CCDC137: variants seen among roughly 807,000 people sequenced by gnomAD.
The protein encoded by CCDC137 is coiled-coil domain-containing protein 137.
In CCDC137, 24 loss-of-function variants were observed where a neutral mutation model predicts 30.4. That is an observed-to-expected ratio of 0.79 (90% confidence interval 0.57 to 1.11). The LOEUF (loss-of-function observed/expected upper bound fraction) is 1.11. Among genes scored for constraint, CCDC137 ranks in the 50% least tolerant of loss-of-function variants. The pLI, the probability that CCDC137 is intolerant of heterozygous loss-of-function variation, is 0.00. For synonymous variants in CCDC137, 182 were observed against 155.7 expected, an observed-to-expected ratio of 1.17 and a Z score of -1.26; for missense variants, 417 against 380.4, an observed-to-expected ratio of 1.10 and a Z score of -0.80.
Position 81,673,845 on chromosome 17 carries a change from T to G in CCDC137, c.*1141T>G, listed in dbSNP as rs2036752573. 2 of 152,238 alleles carry G rather than the reference T, an allele frequency of 1.3e-5. No homozygotes were observed. Among genetic ancestry groups the G allele is most frequent in the African/African-American group, 2.4e-5 (1 of 41,456 alleles). The allele number at this position is 152,238 out of a possible 1,614,324, so 9.4% of individuals were successfully genotyped here. ...AAGTGACAGCCTTGTGTGTGATGTT[T>G]TCTGCCTTCCCCAAGTTTGCACTTT... On this transcript the variant is annotated 3_prime_UTR_variant, in exon 6 of 6. Transcript: ENST00000329214.
intron 3 of CCDC137, 102 bp downstream of exon 3, chr17:81,670,555 G>A: frequency 1.9e-6 from 2 of 1,027,588 alleles, no homozygotes; most frequent in South Asian, 3.1e-5. Flanking sequence ...CATAGCCATG[G>A]GGCAGCCTGG....
rs552243530 is a variant in CCDC137, at chr17:81,672,150, G to A, written c.655G>A (p.Asp219Asn). The A allele has an allele frequency of 6.2e-7, 1 of 1,614,004 alleles. No individual in the cohort carries two copies. The highest frequency in any genetic ancestry group is 8.5e-7 in the Non-Finnish European group (1 of 1,179,944). The change falls in exon 5 of 6, where the codon GAC becomes AAC. Residue 219 changes from aspartate to asparagine, a missense_variant. By Grantham distance (23) the Asp-to-Asn change is conservative. Transcript: ENST00000329214. ...CAGGCCCCAGAGGAGCGTAAGCAAG[G>A]ACCAGGTAAGTGGGGCACGGGGACA... ...TARPQRSVSKDQPGRRSQMLR... is the reference protein window; with the variant it reads ...TARPQRSVSKNQPGRRSQMLR...
In CCDC137 at chr17:81,672,997, G is replaced by C. The variant is rs2036740395; in HGVS notation, c.*293G>C. ...CCCAGGTGGACCTTAGGAAGGGCTG[G>C]ATCCCTGTCCCTGAACACCAAATAC... is the stretch of plus-strand genomic sequence containing the variant. On this transcript the variant is annotated 3_prime_UTR_variant, in exon 6 of 6. Transcript: ENST00000329214. The C allele has an allele frequency of 4.2e-6, 2 of 473,820 alleles. No individual in the cohort carries two copies. The highest frequency in any genetic ancestry group is 2.7e-5 in the South Asian group (1 of 37,558). The allele number at this position is 473,820 out of a possible 1,614,324, so 29.4% of individuals were successfully genotyped here.
At chr17:81,669,850 C>T (rs749178863) in intron 2 of CCDC137, among the ~76,000 whole-genome samples, 2 of 150,340 alleles carry the variant, frequency 1.3e-5, no homozygotes, top group African/African-American at 4.9e-5. Flanking sequence ...CATGAGCCAC[C>T]GCGCCCGGCA....
chr17:81,670,419 AAGG>A lies in CCDC137; in HGVS notation c.466_468del (p.Glu156del), dbSNP rs1347233412. On this transcript the variant is annotated inframe_deletion, in exon 3 of 6. Transcript: ENST00000329214. ...GCAGCCAGAGGTGCAGGCAGCTCCC[AAGG>A]AGAAGTCTGAGCAGAAAAAAGCAAA... 7 of 1,613,772 alleles carry A rather than the reference AAGG, an allele frequency of 4.3e-6. No homozygotes were observed. Among genetic ancestry groups the A allele is most frequent in the Non-Finnish European group, 4.2e-6 (5 of 1,180,010 alleles).
chr17:81,670,093 G>C (rs2036699404), intron 2 of CCDC137, 132 bp from the exon 3 acceptor site: 1 of 685,732 alleles, frequency 1.5e-6, no homozygotes. Flanking sequence ...ATCCTCTTCA[G>C]CTGCTGTCGT....
intron 2 of CCDC137, among the ~76,000 whole-genome samples, chr17:81,668,172 G>A (rs550122206): frequency 3.7e-4 from 57 of 152,210 alleles, no homozygotes; most frequent in African/African-American, 1.3e-3. Context: ...AGCAGGGCAC[G>A]GCCAATTCAT....
At chr17:81,667,362 C>T (rs1275184967) in intron 1 of CCDC137, among the ~76,000 whole-genome samples, 1 of 150,766 alleles carries the variant, frequency 6.6e-6, no homozygotes, top group Non-Finnish European at 1.5e-5. Context: ...ACTCTGTCGC[C>T]CAGGCTGGAG....
intron 1 of CCDC137, chr17:81,667,122 C>T (rs1410477590): frequency 9.1e-6 from 4 of 439,766 alleles, no homozygotes; most frequent in Non-Finnish European, 1.5e-5. Flanking sequence ...GTCCCAGTGT[C>T]CCGTCTTTGT....
chr17:81,673,656 TC>T lies in CCDC137; in HGVS notation c.*954del, dbSNP rs1193964139. The stretch of plus-strand genomic sequence containing the variant: ...GAGAAGCTTAAACCCAAGTCACACA[TC>T]CAGCAATGGAGTCCGACAGCCCAGC... On this transcript the variant is annotated 3_prime_UTR_variant, in exon 6 of 6. Transcript: ENST00000329214. The T allele has an allele frequency of 6.6e-6, 1 of 152,176 alleles. No individual in the cohort carries two copies. Among genetic ancestry groups the T allele is most frequent in the African/African-American group, 2.4e-5 (1 of 41,390 alleles). The allele number at this position is 152,176 out of a possible 1,614,324, so 9.4% of individuals were successfully genotyped here. A position where few individuals can be genotyped will look rare whatever the true frequency, so the allele number is the denominator to read the frequency against.
rs2036722163 is a variant in CCDC137 at position 81,671,799 on chromosome 17, G to C, written c.553G>C (p.Asp185His). The change falls in exon 4 of 6, where the codon GAC becomes CAC. Residue 185 changes from aspartate to histidine, a missense_variant. Coordinates refer to ENST00000329214, the MANE Select transcript of CCDC137 (RefSeq NM_199287.3). ...ACGGAAAAAGGAGGAAAAGGCGGCAGACAGGCTGGAGCAGGAGTTGCTCCG... is the reference window on the plus strand; with the variant it reads ...ACGGAAAAAGGAGGAAAAGGCGGCACACAGGCTGGAGCAGGAGTTGCTCCG... ...VRRKKEEKAA[D>H]RLEQELLRDT... The C allele has an allele frequency of 6.2e-7, 1 of 1,613,388 alleles. No homozygotes were observed. The highest frequency in any genetic ancestry group is 1.7e-5 in the Admixed American group (1 of 59,862).
At chr17:81,667,704 C>T in intron 1 of CCDC137, 25 bp from the exon 2 acceptor site, 1 of 1,612,750 alleles carries the variant, frequency 6.2e-7, no homozygotes, top group South Asian at 1.1e-5. Flanking sequence ...TGGGACGGGT[C>T]TCACCCCCGT....
Position 81,673,746 on chromosome 17 carries a change from C to T in CCDC137, c.*1042C>T, listed in dbSNP as rs1237501560. On this transcript the variant is annotated 3_prime_UTR_variant, in exon 6 of 6. Coordinates refer to ENST00000329214, the MANE Select transcript of CCDC137 (RefSeq NM_199287.3). Reference sequence around the variant, plus strand: ...ACACCGTGTGGAAAGTGAGGAGCACCTCTGCCTGGCCGCCACCCCGTCTGG... The same window carrying T: ...ACACCGTGTGGAAAGTGAGGAGCACTTCTGCCTGGCCGCCACCCCGTCTGG... 2 of 152,352 alleles carry T rather than the reference C, an allele frequency of 1.3e-5. No homozygotes were observed. Among genetic ancestry groups the T allele is most frequent in the African/African-American group, 4.8e-5 (2 of 41,464 alleles). 9.4% of individuals were successfully genotyped at this position (152,352 alleles called of 1,614,324 possible).
intron 3 of CCDC137, 193 bp from the exon 4 acceptor site, chr17:81,671,551 T>G (rs2036719725): frequency 1.7e-6 from 1 of 582,786 alleles, no homozygotes; most frequent in South Asian, 2.0e-5. Flanking sequence ...AGGGGCCTGT[T>G]GGGGTCAGAG....
chr17:81,668,882 GT>G (rs35131889), intron 2 of CCDC137, among the ~76,000 whole-genome samples: 5,678 of 136,074 alleles, frequency 0.042, 159 homozygotes, highest in African/African-American at 0.084. Context: ...TTTGTGTGTG[GT>G]TTTTTTTTTT....
Position 81,672,563 on chromosome 17 carries a change from C to T in CCDC137, c.729C>T (p.Ala243=), listed in dbSNP as rs201836165. The change falls in exon 6 of 6, where the codon GCC becomes GCT. Residue 243 remains alanine (A), a synonymous_variant. Coordinates refer to ENST00000329214, the MANE Select transcript of CCDC137 (RefSeq NM_199287.3). ...GTGGTGTGTCCCAGCCTCTGACCGC[C>T]TCCCTGGCCCGCCAGCGGATTGTGG... ...SPGGVSQPLT[A]SLARQRIVEE... 314 of 1,574,858 alleles carry T rather than the reference C, an allele frequency of 2.0e-4. No individual in the cohort carries two copies. The highest frequency in any genetic ancestry group is 2.6e-4 in the Non-Finnish European group (303 of 1,160,412).
At chr17:81,669,825 T>G (rs901001188) in intron 2 of CCDC137, among the ~76,000 whole-genome samples, 1 of 151,270 alleles carries the variant, frequency 6.6e-6, no homozygotes, top group African/African-American at 2.4e-5. Context: ...CCTCCCAAAG[T>G]GCTGGGATTA....
Position 81,671,786 on chromosome 17 carries a change from G to A in CCDC137, c.540G>A (p.Glu180=). 6.2e-7 allele frequency: 1 copy of A among 1,613,214 alleles called. No individual in the cohort carries two copies. Among genetic ancestry groups the A allele is most frequent in the Non-Finnish European group, 8.5e-7 (1 of 1,179,856 alleles). ...TAGATAAAGTCCGACGGAAAAAGGA[G>A]GAAAAGGCGGCAGACAGGCTGGAGC... ...RRLDKVRRKK[E]EKAADRLEQE... The change falls in exon 4 of 6, where the codon GAG becomes GAA. Residue 180 remains glutamate (E), a synonymous_variant. Transcript: ENST00000329214.
rs1289951883 is a variant in CCDC137 at position 81,672,427 on chromosome 17, G to A, written c.661-68G>A. ...TCTCGCTGGCGGGAGAGCTGTTGAA[G>A]CTGTGAGGCTTTCTGTTGCATCCCC... On this transcript the variant is annotated intron_variant, in intron 5 of 5. Transcript: ENST00000329214. The A allele has an allele frequency of 4.2e-6, 6 of 1,434,688 alleles. No homozygotes were observed. In the Admixed American group the frequency reaches 6.1e-5, roughly 14 times the overall value. The allele number at this position is 1,434,688 out of a possible 1,614,324, so 88.9% of individuals were successfully genotyped here. A position where few individuals can be genotyped will look rare whatever the true frequency, so the allele number is the denominator to read the frequency against.
Sources: allele counts gnomAD v4.1 joint callset (sites outside exome capture counted in the v4.1 genomes callset), GRCh38; gene constraint gnomAD v4.1.1; transcripts MANE v1.5; gene names NCBI Gene and HGNC (gene_info 2026-07-23, HGNC 2026-07-21).